The following GADL1 variants were observed in gnomAD, a reference collection of about 807,000 sequenced individuals.
GADL1 encodes GAD like acidic amino acid decarboxylase 1.
A neutral mutation model predicts 69.5 loss-of-function variants in GADL1; 71 were observed. The observed-to-expected ratio is 1.02, with a 90% CI of 0.84 to 1.25. The LOEUF is 1.25. Among genes scored for constraint, GADL1 ranks in the 50% most tolerant of loss-of-function variants. GADL1 has a pLI of 0.00. For missense variants in GADL1, 737 were observed against 631.8 expected (o/e 1.17, Z -1.79); for synonymous variants, 254 against 214.4 (o/e 1.18, Z -1.62).
At chr3:30,883,694 T>G (rs1203275591) in intron 1 of GADL1, among the ~76,000 whole-genome samples, 2 of 151,948 alleles carry the variant, frequency 1.3e-5, no homozygotes, top group African/African-American at 4.8e-5. Context: ...GCCATTTGGG[T>G]TTTGATAAAG....
At chr3:30,871,042 AGTGTGTGTGTGT>A (rs4016178) in intron 1 of GADL1, among the ~76,000 whole-genome samples, 13 of 141,478 alleles carry the variant, frequency 9.2e-5, no homozygotes, top group Middle Eastern at 3.5e-3. Flanking sequence ...AAGGCAGAAA[AGTGTGTGTGTGT>A]GTGTGTGTGT....
At chr3:30,729,151 ACACAGATTTTT>A in intron 14 of GADL1, among the ~76,000 whole-genome samples, 1 of 152,314 alleles carries the variant, frequency 6.6e-6, no homozygotes, top group East Asian at 1.9e-4. Flanking sequence ...TAATCCAGAT[ACACAGATTTTT>A]CTAAAAGTTT....
At position 30,788,509 on chromosome 3, in the gene GADL1, G is replaced by A. The variant is rs1696847076; in HGVS notation, c.1251-2103C>T. On this transcript the variant is annotated intron_variant, in intron 12 of 14. Transcript: ENST00000282538. Reference sequence around the variant, plus strand: ...CTTGCCTTGATGTTGGTTGCTGACTGATCAAAAGGCTGAAGGTCGGGGTGG... The same window carrying A: ...CTTGCCTTGATGTTGGTTGCTGACTAATCAAAAGGCTGAAGGTCGGGGTGG... 2.0e-5 allele frequency among the ~76,000 whole-genome samples: 3 copies of A among 152,162 alleles called. No homozygotes were observed. The South Asian group carries it at 6.2e-4, about 32-fold the overall frequency.
At chr3:30,844,146 T>C (rs1698014922) in intron 8 of GADL1, 64 bp downstream of exon 8, 1 of 1,274,886 alleles carries the variant, frequency 7.8e-7, no homozygotes, top group Non-Finnish European at 1.1e-6. Flanking sequence ...CTCTCTTTCA[T>C]AAGCGCGCGG....
intron 11 of GADL1, among the ~76,000 whole-genome samples, chr3:30,816,525 GTTTTCTTTTTTTTTTTTTT>G (rs1697472917): frequency 4.9e-5 from 2 of 40,756 alleles, no homozygotes; most frequent in African/African-American, 6.4e-5. Context: ...TTCTTAATTT[GTTTTCTTTTTTTTTTTTTT>G]TTTTTTTTTT....
chr3:30,867,821 A>G (rs190834269), intron 1 of GADL1, among the ~76,000 whole-genome samples: 28 of 152,164 alleles, frequency 1.8e-4, no homozygotes, highest in Non-Finnish European at 2.5e-4. Flanking sequence ...TAACAGCAAT[A>G]GAAGATAATA....
chr3:30,870,601 T>A (rs1244053889), intron 1 of GADL1, among the ~76,000 whole-genome samples: 1 of 151,548 alleles, frequency 6.6e-6, no homozygotes, highest in African/African-American at 2.4e-5. Flanking sequence ...GGATGCCGTG[T>A]AGAGAATGAA....
chr3:30,787,386 A>G (rs997513920), intron 12 of GADL1, among the ~76,000 whole-genome samples: 1 of 152,032 alleles, frequency 6.6e-6, no homozygotes, highest in African/African-American at 2.4e-5. Flanking sequence ...TATAATATTG[A>G]CTCCTCTCTT....
chr3:30,752,018 T>C (rs1293708450), intron 14 of GADL1, among the ~76,000 whole-genome samples: 1 of 152,090 alleles, frequency 6.6e-6, no homozygotes, highest in Non-Finnish European at 1.5e-5. Context: ...ATTCTGAAAT[T>C]AAACCCAGTA....
At chr3:30,812,826 G>A (rs1389697286) in intron 11 of GADL1, among the ~76,000 whole-genome samples, 1 of 152,018 alleles carries the variant, frequency 6.6e-6, no homozygotes, top group Non-Finnish European at 1.5e-5. Context: ...GTTGAGAAAG[G>A]GATTTTAGGT....
At chr3:30,884,778 A>G (rs568644046) in intron 1 of GADL1, among the ~76,000 whole-genome samples, 3 of 152,246 alleles carry the variant, frequency 2.0e-5, no homozygotes, top group South Asian at 4.1e-4. Context: ...ATATGTATAC[A>G]TATAATTCAA....
At chr3:30,873,303 T>C (rs1698519205) in intron 1 of GADL1, among the ~76,000 whole-genome samples, 1 of 151,990 alleles carries the variant, frequency 6.6e-6, no homozygotes, top group African/African-American at 2.4e-5. Context: ...GGTTATTTCA[T>C]TTAATCCTCA....
rs565729272 is a variant in GADL1 at position 30,780,556 on chromosome 3, TTC to T, written c.1303-2290_1303-2289del. On this transcript the variant is annotated intron_variant, in intron 13 of 14. Transcript: ENST00000282538. ...CCCACTTTACCATGCAGTTCTTGTC[TTC>T]TGAGTGGACTCTAATATGTCACCAA... 4.5e-3 allele frequency among the ~76,000 whole-genome samples: 686 copies of T among 152,360 alleles called. 8 individuals are homozygous for T. The highest frequency in any genetic ancestry group is 0.015 in the African/African-American group (603 of 41,582).
chr3:30,759,009 C>T (rs1366575908), intron 14 of GADL1, among the ~76,000 whole-genome samples: 3 of 116,810 alleles, frequency 2.6e-5, no homozygotes, highest in South Asian at 5.4e-4. Context: ...GCCAGCCAGA[C>T]ATACCTGCAC....
chr3:30,869,766 A>ATTC (rs1375656413), intron 1 of GADL1, among the ~76,000 whole-genome samples: 8 of 151,962 alleles, frequency 5.3e-5, no homozygotes, highest in African/African-American at 1.9e-4. Flanking sequence ...GATAGTCATA[A>ATTC]AATATTGAAT....
intron 1 of GADL1, among the ~76,000 whole-genome samples, chr3:30,889,094 A>T (rs1426885558): frequency 2.7e-5 from 4 of 146,762 alleles, no homozygotes; most frequent in Middle Eastern, 3.5e-3. Flanking sequence ...TAAAAAAAAA[A>T]AAAAAAAAAA....
At chr3:30,785,925 CTTA>C (rs937666132) in intron 13 of GADL1, among the ~76,000 whole-genome samples, 1 of 152,118 alleles carries the variant, frequency 6.6e-6, no homozygotes, top group African/African-American at 2.4e-5. Flanking sequence ...AGCAAAATGA[CTTA>C]TTTTCCCATT....
At chr3:30,849,920 C>G (rs1384986452) in intron 6 of GADL1, 76 bp downstream of exon 6, 1 of 840,260 alleles carries the variant, frequency 1.2e-6, no homozygotes, top group Non-Finnish European at 2.0e-6. Context: ...AAAATCACAT[C>G]AGGAATCTTC....
rs4610265 is a variant in GADL1 at position 30,878,478 on chromosome 3, C to T, written c.37+16100G>A. On this transcript the variant is annotated intron_variant, in intron 1 of 14. Coordinates refer to ENST00000282538, the MANE Select transcript of GADL1 (RefSeq NM_207359.3). ...TGAAGTATCTCTGTAAATTATTTTC[C>T]TTAAACAAACAGGCTGGAATGAATG... is the stretch of plus-strand genomic sequence containing the variant. 2.2e-3 allele frequency among the ~76,000 whole-genome samples: 339 copies of T among 151,988 alleles called. 1 individual carries two copies. Among genetic ancestry groups the T allele is most frequent in the African/African-American group, 7.7e-3 (321 of 41,512 alleles).
Sources: gnomAD v4.1 joint callset for allele counts (sites outside exome capture counted in the v4.1 genomes callset) on GRCh38, gnomAD v4.1.1 for gene constraint, MANE v1.5 for transcripts, NCBI Gene and HGNC (gene_info 2026-07-23, HGNC 2026-07-21) for gene names.